Variants in CPXM2 observed in about 807,000 individuals in gnomAD.
The protein encoded by CPXM2 is carboxypeptidase X, M14 family member 2.
CPXM2 carries 66 observed loss-of-function variants against 86.1 expected under a neutral mutation model. The ratio of observed to expected loss-of-function variants is 0.77; its 90% CI spans 0.63 to 0.94. The LOEUF (loss-of-function observed/expected upper bound fraction) is 0.94, where lower values mean the gene tolerates loss of function less well. Among genes scored for constraint, CPXM2 ranks in the 40% least tolerant of loss-of-function variants. The probability of loss-of-function intolerance (pLI) is 0.00; values close to 1 mark genes in which losing one functional copy is unlikely to be tolerated. For missense variants in CPXM2, 948 were observed against 1,026.3 expected, an observed-to-expected ratio of 0.92 and a Z score of 1.04; for synonymous variants, 388 against 400.2, an observed-to-expected ratio of 0.97 and a Z score of 0.36.
At chr10:123,861,592 A>G (rs1451761950) in intron 3 of CPXM2, among the ~76,000 whole-genome samples, 1 of 152,186 alleles carries the variant, frequency 6.6e-6, no homozygotes. Flanking sequence ...TGTAATCTCA[A>G]GGATCCTCAA....
At chr10:123,859,914 C>T (rs549009342) in intron 3 of CPXM2, among the ~76,000 whole-genome samples, 2 of 152,242 alleles carry the variant, frequency 1.3e-5, no homozygotes, top group East Asian at 1.9e-4. Flanking sequence ...GCCCCATCTA[C>T]GGTGAGGCTC....
At chr10:123,828,233 C>T (rs1000404157) in intron 4 of CPXM2, among the ~76,000 whole-genome samples, 7 of 152,068 alleles carry the variant, frequency 4.6e-5, no homozygotes, top group Non-Finnish European at 1.0e-4. Flanking sequence ...ATATGTCCAA[C>T]CGATTGTTTA....
rs987021589 is a variant in CPXM2 at position 123,891,693 on chromosome 10, G to A, written c.-34C>T. ...CGCCCCGCGCCCAGGGCAGGGTCAC[G>A]GTCACCGGGGGCGCCGGGCGGGCTG... On this transcript the variant is annotated 5_prime_UTR_variant, in exon 1 of 14. Transcript: ENST00000241305. This position sits in a 1 kb window ranked among gnomAD's most constrained non-coding sequence, Gnocchi z 5.6. 3.3e-5 allele frequency: 44 copies of A among 1,317,632 alleles called. No homozygotes were observed. The highest frequency in any genetic ancestry group is 4.1e-5 in the Non-Finnish European group (42 of 1,033,570). 81.6% of individuals were successfully genotyped at this position (1,317,632 alleles called of 1,614,324 possible).
chr10:123,778,029 T>C (rs918557581), intron 7 of CPXM2, among the ~76,000 whole-genome samples: 7 of 152,158 alleles, frequency 4.6e-5, no homozygotes, highest in Non-Finnish European at 7.3e-5. Flanking sequence ...ATGTCAGGAC[T>C]TTCTCCTTCC....
At chr10:123,896,823 A>G (rs1368365521), upstream of CPXM2, among the ~76,000 whole-genome samples, 1 of 152,170 alleles carries the variant, frequency 6.6e-6, no homozygotes, top group Non-Finnish European at 1.5e-5. Context: ...GCCACCTACT[A>G]TGTGCAGGAT....
chr10:123,858,861 A>AT (rs1243290362), intron 3 of CPXM2, among the ~76,000 whole-genome samples: 1 of 152,246 alleles, frequency 6.6e-6, no homozygotes, highest in Admixed American at 6.5e-5. Context: ...AGGTAAGAAT[A>AT]TGCATTTGAG....
intron 4 of CPXM2, among the ~76,000 whole-genome samples, chr10:123,804,661 CA>C (rs567139001): frequency 5.7e-4 from 87 of 152,008 alleles, no homozygotes; most frequent in Non-Finnish European, 1.1e-3. Flanking sequence ...TCTTTATTTC[CA>C]GTCATTAGGT....
At chr10:123,901,429 T>TTGTGGGTGTGTG (rs1945379987) in intron 2 of CPXM2, among the ~76,000 whole-genome samples, 1 of 138,956 alleles carries the variant, frequency 7.2e-6, no homozygotes, top group African/African-American at 2.8e-5. Context: ...CCAAGCAAGT[T>TTGTGGGTGTGTG]TGTGTGTGTG....
At chr10:123,803,789 G>A (rs1847516681) in intron 4 of CPXM2, among the ~76,000 whole-genome samples, 1 of 151,954 alleles carries the variant, frequency 6.6e-6, no homozygotes, top group African/African-American at 2.4e-5. Context: ...AGCTTCCTAA[G>A]TATCTGGGAC....
chr10:123,837,960 A>G (rs1035206043), intron 4 of CPXM2, among the ~76,000 whole-genome samples: 3 of 152,126 alleles, frequency 2.0e-5, no homozygotes, highest in Non-Finnish European at 4.4e-5. Flanking sequence ...CCCATTTACC[A>G]TGGCATGCGC....
At chr10:123,750,127 A>G (rs1846043575) in intron 13 of CPXM2, 2 of 985,082 alleles carry the variant, frequency 2.0e-6, no homozygotes, top group Non-Finnish European at 2.4e-6. Context: ...TCTAGAGTTT[A>G]TTTTTAATAA....
chr10:123,817,429 T>C (rs1412347448), intron 4 of CPXM2, among the ~76,000 whole-genome samples: 2 of 152,168 alleles, frequency 1.3e-5, no homozygotes, highest in Non-Finnish European at 2.9e-5. Context: ...GACTCTCCTT[T>C]TGAGAGACAG....
chr10:123,861,043 C>T lies in CPXM2; in HGVS notation c.513+1571G>A, dbSNP rs556818420. ...AGCAAAGCTTGGAGTCAGAGCTTGG[C>T]TCAGATGCCCCCAATCCCATGAGCT... On this transcript the variant is annotated intron_variant, in intron 3 of 13. Transcript: ENST00000241305. Among the ~76,000 whole-genome samples the T allele has an allele frequency of 2.0e-5, 3 of 152,230 alleles. No individual in the cohort carries two copies. The South Asian group carries it at 6.2e-4, about 32-fold the overall frequency.
chr10:123,870,094 G>A (rs1002810762), intron 2 of CPXM2, among the ~76,000 whole-genome samples: 2 of 152,144 alleles, frequency 1.3e-5, no homozygotes, highest in Non-Finnish European at 2.9e-5. Context: ...AGACTGGCTA[G>A]AGACTCCTGT....
At chr10:123,800,758 A>G (rs1465401106) in intron 4 of CPXM2, among the ~76,000 whole-genome samples, 1 of 147,172 alleles carries the variant, frequency 6.8e-6, no homozygotes, top group African/African-American at 2.5e-5. Context: ...AAAGGAAATG[A>G]AAGCCAAGTC....
chr10:123,909,611 A>G (rs1945472346), intron 2 of CPXM2, among the ~76,000 whole-genome samples: 1 of 152,194 alleles, frequency 6.6e-6, no homozygotes, highest in Non-Finnish European at 1.5e-5. Context: ...ATTGTACGGT[A>G]CTAAATCTTT....
chr10:123,914,339 G>T (rs1171333455), intron 2 of CPXM2, among the ~76,000 whole-genome samples: 1 of 152,190 alleles, frequency 6.6e-6, no homozygotes, highest in East Asian at 1.9e-4. Context: ...TGAGACTCAA[G>T]ATGTACATGT....
chr10:123,783,181 C>T (rs1372165370), intron 6 of CPXM2, among the ~76,000 whole-genome samples: 1 of 152,228 alleles, frequency 6.6e-6, no homozygotes, highest in Non-Finnish European at 1.5e-5. Flanking sequence ...CAAGAAGTAA[C>T]AAGAAATAGA....
At chr10:123,904,591 A>G (rs1012014710) in intron 2 of CPXM2, among the ~76,000 whole-genome samples, 1 of 152,170 alleles carries the variant, frequency 6.6e-6, no homozygotes, top group African/African-American at 2.4e-5. Context: ...TTACTGAGCT[A>G]TGACCGTGTC....
Sources: gnomAD v4.1 joint callset for allele counts (sites outside exome capture counted in the v4.1 genomes callset) on GRCh38, gnomAD v4.1.1 for gene constraint, Gnocchi (gnomAD v3.1) non-coding constraint, MANE v1.5 for transcripts, NCBI Gene and HGNC (gene_info 2026-07-23, HGNC 2026-07-21) for gene names.